Variants in IKZF2 observed in about 807,000 individuals in gnomAD.
IKZF2 encodes the protein IKAROS family zinc finger 2, also known as zinc finger protein Helios.
A neutral mutation model predicts 49.2 loss-of-function variants in IKZF2; 15 were observed. The ratio of observed to expected loss-of-function variants is 0.30; its 90% CI spans 0.20 to 0.47. The LOEUF (loss-of-function observed/expected upper bound fraction) is 0.47, where lower values mean the gene tolerates loss of function less well. Ranked by LOEUF, IKZF2 falls within the 20% of genes least tolerant of loss-of-function variation. IKZF2 has a pLI of 1.00. For missense variants in IKZF2, 567 were observed against 664.6 expected, an observed-to-expected ratio of 0.85 and a Z score of 1.61; for synonymous variants, 227 against 221.4, an observed-to-expected ratio of 1.03 and a Z score of -0.23.
Position 213,007,864 on chromosome 2 carries a change from A to G in IKZF2, c.1077T>C (p.Tyr359=). The G allele has an allele frequency of 3.7e-6, 6 of 1,613,546 alleles. No individual in the cohort carries two copies. The highest frequency in any genetic ancestry group is 5.1e-6 in the Non-Finnish European group (6 of 1,179,724). The stretch of plus-strand genomic sequence containing the variant: ...TGGGTCTTTCTATCCTATTTGGATG[A>G]TAGACCTGAGAATAAGCTGAGCTTA... ...PVISSAYSQV[Y]HPNRIERPIS... Residue 359 remains tyrosine, a synonymous_variant, in exon 9 of 9, where the codon TAT becomes TAC. Coordinates refer to ENST00000434687, the MANE Select transcript of IKZF2 (RefSeq NM_001387220.1).
chr2:213,134,264 T>C (rs6714479), intron 4 of IKZF2, among the ~76,000 whole-genome samples: 41,366 of 152,098 alleles, frequency 0.27, 6,811 homozygotes, highest in Non-Finnish European at 0.37. Context: ...CATTGCCATC[T>C]CCCAAGAGGG....
chr2:213,019,100 GATAA>G (rs1696916364), intron 7 of IKZF2, among the ~76,000 whole-genome samples: 1 of 151,998 alleles, frequency 6.6e-6, no homozygotes, highest in Admixed American at 6.6e-5. Context: ...GTAAGCTCTT[GATAA>G]ATGTTTTCTG....
rs977952879 is a variant in IKZF2, at chr2:213,128,794, AT to A, written c.139+18913del. Among the ~76,000 whole-genome samples, 3 of 117,556 alleles carry A rather than the reference AT, an allele frequency of 2.6e-5. No individual in the cohort carries two copies. In the Admixed American group the frequency reaches 3.0e-4, roughly 12 times the overall value. 77.1% of individuals were successfully genotyped at this position (117,556 alleles called of 152,430 possible). ...AGGTGCAGGCCACCACACCACACTA[AT>A]TTTTTTTTCTTTTTTTTTTTTTTTT... On this transcript the variant is annotated intron_variant, in intron 4 of 8. Coordinates refer to ENST00000434687, the MANE Select transcript of IKZF2 (RefSeq NM_001387220.1).
chr2:213,149,144 C>A (rs1235605067), intron 2 of IKZF2, among the ~76,000 whole-genome samples: 2 of 152,034 alleles, frequency 1.3e-5, no homozygotes, highest in Non-Finnish European at 2.9e-5. Flanking sequence ...ACTTAGTGCC[C>A]AACGGTGTCT....
At chr2:213,111,417 A>G (rs1242558211) in intron 4 of IKZF2, among the ~76,000 whole-genome samples, 1 of 152,034 alleles carries the variant, frequency 6.6e-6, no homozygotes, top group Admixed American at 6.5e-5. Context: ...TGGCATGTTA[A>G]TTTAAACTGC....
intron 4 of IKZF2, among the ~76,000 whole-genome samples, chr2:213,061,610 C>T (rs887735199): frequency 1.3e-4 from 19 of 151,352 alleles, no homozygotes; most frequent in Non-Finnish European, 2.4e-4. Flanking sequence ...AACTCATCTA[C>T]CTTAGCCAAT....
intron 4 of IKZF2, among the ~76,000 whole-genome samples, chr2:213,076,939 G>T (rs1703340824): frequency 2.0e-5 from 3 of 152,096 alleles, no homozygotes. Flanking sequence ...AAAAGTATAT[G>T]AACTTAGTGA....
intron 7 of IKZF2, among the ~76,000 whole-genome samples, chr2:213,015,995 T>G (rs1696541330): frequency 6.6e-6 from 1 of 151,968 alleles, no homozygotes; most frequent in Non-Finnish European, 1.5e-5. Context: ...CCACCTCAAT[T>G]CAGATGATTT....
chr2:213,099,695 T>C (rs189218281), intron 4 of IKZF2, among the ~76,000 whole-genome samples: 51 of 152,254 alleles, frequency 3.3e-4, no homozygotes, highest in Non-Finnish European at 6.8e-4. Flanking sequence ...AGATGTGTAA[T>C]CATATTATGA....
chr2:213,088,533 G>A (rs1389694036), intron 4 of IKZF2, among the ~76,000 whole-genome samples: 2 of 152,034 alleles, frequency 1.3e-5, no homozygotes, highest in East Asian at 1.9e-4. Flanking sequence ...CTGAGGCAGG[G>A]GGATCATTTG....
chr2:213,082,306 C>T (rs551906131), intron 4 of IKZF2, among the ~76,000 whole-genome samples: 70 of 152,292 alleles, frequency 4.6e-4, no homozygotes, highest in African/African-American at 1.6e-3. Context: ...AAGAAGTTTA[C>T]AGCCAAATTA....
intron 4 of IKZF2, among the ~76,000 whole-genome samples, chr2:213,079,402 AGGAAGGAAGGAAGCAT>A (rs796694134): frequency 0.024 from 2,887 of 118,532 alleles, 105 homozygotes; most frequent in African/African-American, 0.092. Flanking sequence ...GGAAGAAAGA[AGGAAGGAAGGAAGCAT>A]GGAAGGAAGG....
rs895423085 is a variant in IKZF2, at chr2:213,058,838, A to G, written c.140-1739T>C. ...TGGCAAAGAAAAAACAAAAAACATA[A>G]AGAATAAAAATTACATATGAAGTTC... On this transcript the variant is annotated intron_variant, in intron 4 of 8. Transcript: ENST00000434687. Among the ~76,000 whole-genome samples the G allele has an allele frequency of 3.3e-5, 5 of 151,890 alleles. No individual in the cohort carries two copies. The East Asian group carries it at 9.6e-4, about 29-fold the overall frequency.
chr2:213,049,647 C>A, intron 6 of IKZF2, 66 bp downstream of exon 6: 2 of 1,182,252 alleles, frequency 1.7e-6, no homozygotes, highest in Non-Finnish European at 1.2e-6. Context: ...ATGTTACTAT[C>A]ATTCAATAGT....
chr2:213,144,703 T>G (rs1406032916), intron 4 of IKZF2, among the ~76,000 whole-genome samples: 1 of 151,928 alleles, frequency 6.6e-6, no homozygotes, highest in Non-Finnish European at 1.5e-5. Context: ...GTCAGCAGAC[T>G]CAATATGTAC....
intron 4 of IKZF2, among the ~76,000 whole-genome samples, chr2:213,122,281 T>C (rs2060084286): frequency 6.6e-6 from 1 of 152,244 alleles, no homozygotes; most frequent in Non-Finnish European, 1.5e-5. Context: ...GATGGTAAAA[T>C]GCTGTAATAT....
chr2:213,134,478 A>G (rs1256623148), intron 4 of IKZF2, among the ~76,000 whole-genome samples: 1 of 152,246 alleles, frequency 6.6e-6, no homozygotes, highest in Non-Finnish European at 1.5e-5. Context: ...GCAAAAGATA[A>G]AAGCAATAGA....
intron 1 of IKZF2, among the ~76,000 whole-genome samples, chr2:213,150,937 G>A: frequency 6.7e-6 from 1 of 150,226 alleles, no homozygotes. Flanking sequence ...ACAGGATCTG[G>A]ATATTACCTT....
intron 8 of IKZF2, among the ~76,000 whole-genome samples, chr2:213,008,477 C>T (rs1197131774): frequency 6.6e-6 from 1 of 151,944 alleles, no homozygotes; most frequent in Non-Finnish European, 1.5e-5. Context: ...AGTGATCCAC[C>T]CACCTTGGCC....
Sources: gnomAD v4.1 joint callset for allele counts (sites outside exome capture counted in the v4.1 genomes callset) on GRCh38, gnomAD v4.1.1 for gene constraint, MANE v1.5 for transcripts, NCBI Gene and HGNC (gene_info 2026-07-23, HGNC 2026-07-21) for gene names.